RILPL1: variants seen among roughly 807,000 people sequenced by gnomAD.
RILPL1 encodes the protein RILP-like protein 1.
RILPL1 carries 33 observed loss-of-function variants against 50.3 expected under a neutral mutation model. The ratio of observed to expected loss-of-function variants is 0.66; its 90% confidence interval spans 0.50 to 0.88. The LOEUF (loss-of-function observed/expected upper bound fraction) is 0.88, where lower values mean the gene tolerates loss of function less well. RILPL1 is among the 40% of genes least tolerant of loss of function. The pLI is 0.00. For synonymous variants in RILPL1, 205 were observed against 228.6 expected, an observed-to-expected ratio of 0.90 and a Z score of 0.93; for missense variants, 418 against 542.5, an observed-to-expected ratio of 0.77 and a Z score of 2.28.
At chr12:123,510,979 G>GGT (rs200275753) in intron 2 of RILPL1, among the ~76,000 whole-genome samples, 7,620 of 132,492 alleles carry the variant, frequency 0.058, 845 homozygotes, top group African/African-American at 0.21. Flanking sequence ...GTGTGTGTGT[G>GGT]GTGTGTGTGA....
At chr12:123,488,880 A>C (rs1288928208) in intron 4 of RILPL1, among the ~76,000 whole-genome samples, 1 of 152,182 alleles carries the variant, frequency 6.6e-6, no homozygotes, top group East Asian at 1.9e-4. Flanking sequence ...ATTTCCAAAG[A>C]AAGTATTCTA....
At chr12:123,511,950 GTGTGGTGTGAGATCTGT>G (rs1884297620) in intron 2 of RILPL1, among the ~76,000 whole-genome samples, 1 of 129,688 alleles carries the variant, frequency 7.7e-6, no homozygotes, top group African/African-American at 3.3e-5. Context: ...TTGTGTGTGT[GTGTGGTGTGAGATCTGT>G]GTGTGTGTGA....
At chr12:123,476,680 T>A (rs149731059) in intron 6 of RILPL1, among the ~76,000 whole-genome samples, 199 of 152,194 alleles carry the variant, frequency 1.3e-3, no homozygotes, top group African/African-American at 4.6e-3. Flanking sequence ...GTGGGGCAGA[T>A]TCTCCCTTAC....
intron 1 of RILPL1, 26 bp from the exon 2 acceptor site, chr12:123,523,671 G>T: frequency 6.2e-7 from 1 of 1,608,100 alleles, no homozygotes. Context: ...GACAGCATGG[G>T]GTCACTGCCT....
intron 2 of RILPL1, among the ~76,000 whole-genome samples, chr12:123,521,614 TATGTGTATATATATAC>T (rs1566144180): frequency 9.1e-5 from 2 of 21,906 alleles, no homozygotes; most frequent in African/African-American, 3.0e-4. Context: ...TATACACACA[TATGTGTATATATATAC>T]ACACATATGT....
chr12:123,494,904 C>T (rs138088318), intron 4 of RILPL1, among the ~76,000 whole-genome samples: 93 of 152,320 alleles, frequency 6.1e-4, no homozygotes, highest in Non-Finnish European at 9.8e-4. Flanking sequence ...TGCCGACTCC[C>T]CAGCACTGCA....
chr12:123,512,485 T>G (rs1434805595), intron 2 of RILPL1, among the ~76,000 whole-genome samples: 4 of 136,334 alleles, frequency 2.9e-5, no homozygotes, highest in African/African-American at 5.7e-5. Flanking sequence ...GTGTGTGAGG[T>G]CTGTGTGTGT....
chr12:123,502,756 A>G (rs1170104686), intron 2 of RILPL1, among the ~76,000 whole-genome samples: 1 of 152,240 alleles, frequency 6.6e-6, no homozygotes, highest in Non-Finnish European at 1.5e-5. Context: ...ACAAATGACC[A>G]ATAATTGTGG....
chr12:123,475,608 G>T (rs977334005), intron 6 of RILPL1: 2 of 1,183,796 alleles, frequency 1.7e-6, no homozygotes, highest in Non-Finnish European at 2.4e-6. Context: ...AGTAGCCGAA[G>T]CAGACATTCC....
chr12:123,521,537 ATGTATATATATG>A (rs1885001557), intron 2 of RILPL1, among the ~76,000 whole-genome samples: 1 of 133,102 alleles, frequency 7.5e-6, no homozygotes, highest in Non-Finnish European at 1.6e-5. Flanking sequence ...ATATAAATAT[ATGTATATATATG>A]TGTGTATATA....
intron 1 of RILPL1, among the ~76,000 whole-genome samples, chr12:123,529,777 G>A (rs901815711): frequency 6.6e-6 from 1 of 151,880 alleles, no homozygotes; most frequent in African/African-American, 2.4e-5. Flanking sequence ...AGGAGGCTGA[G>A]GCAGGAGGAT....
intron 4 of RILPL1, among the ~76,000 whole-genome samples, chr12:123,486,303 TCTC>T (rs1401389947): frequency 6.6e-6 from 1 of 152,164 alleles, no homozygotes; most frequent in Non-Finnish European, 1.5e-5. Flanking sequence ...GGTTAGGTCC[TCTC>T]CTCCCCAGTG....
chr12:123,487,294 C>T (rs1334977608), intron 4 of RILPL1, among the ~76,000 whole-genome samples: 1 of 151,436 alleles, frequency 6.6e-6, no homozygotes, highest in Non-Finnish European at 1.5e-5. Context: ...TTGCAGCACA[C>T]ACCAGCACTT....
chr12:123,508,466 C>T (rs931699270), intron 2 of RILPL1, among the ~76,000 whole-genome samples: 6 of 152,168 alleles, frequency 3.9e-5, no homozygotes, highest in African/African-American at 1.4e-4. Context: ...CTTATGATTT[C>T]TCAATTTCCA....
At chr12:123,510,370 G>A (rs545105376) in intron 2 of RILPL1, among the ~76,000 whole-genome samples, 1 of 151,376 alleles carries the variant, frequency 6.6e-6, no homozygotes, top group South Asian at 2.1e-4. Context: ...GGTGTGGTGT[G>A]TGTGTGTGTG....
intron 2 of RILPL1, among the ~76,000 whole-genome samples, chr12:123,521,658 TATGTATATATATAAA>T (rs1885048507): frequency 5.5e-5 from 1 of 18,198 alleles, no homozygotes; most frequent in Non-Finnish European, 1.2e-4. Flanking sequence ...TATACACATA[TATGTATATATATAAA>T]TATATATATA....
At chr12:123,512,679 G>A (rs1186635007) in intron 2 of RILPL1, among the ~76,000 whole-genome samples, 1 of 134,824 alleles carries the variant, frequency 7.4e-6, no homozygotes, top group Non-Finnish European at 1.5e-5. Flanking sequence ...TGTGAGGTCT[G>A]TGTGTGGTGT....
chr12:123,518,322 A>AG (rs1884825480), intron 2 of RILPL1: 1 of 427,312 alleles, frequency 2.3e-6, no homozygotes, highest in Non-Finnish European at 4.6e-6. Context: ...TGGGCAACAT[A>AG]GTGAGACCCC....
At position 123,498,848 on chromosome 12, in the gene RILPL1, AG is replaced by A; in HGVS notation, c.580-84del. ...CACTGCACAACGGCAAACCATCCAT[AG>A]GTGTGCCATTTACATTGCAGACATC... On this transcript the variant is annotated intron_variant, in intron 3 of 6. Coordinates refer to ENST00000376874, the MANE Select transcript of RILPL1 (RefSeq NM_178314.5). The surrounding 1 kb of genome is among the most constrained non-coding windows in gnomAD (Gnocchi z 4.3). 1 of 1,269,706 alleles carries A rather than the reference AG, an allele frequency of 7.9e-7. No individual in the cohort carries two copies. The highest frequency in any genetic ancestry group is 1.7e-5 in the Admixed American group (1 of 58,174). 78.7% of individuals were successfully genotyped at this position (1,269,706 alleles called of 1,614,324 possible).
Sources: allele counts gnomAD v4.1 joint callset (sites outside exome capture counted in the v4.1 genomes callset), GRCh38; gene constraint gnomAD v4.1.1; non-coding constraint Gnocchi (gnomAD v3.1); transcripts MANE v1.5; gene names NCBI Gene and HGNC (gene_info 2026-07-23, HGNC 2026-07-21).